SCAPER: variants seen among roughly 807,000 people sequenced by gnomAD.
SCAPER encodes the protein S-phase cyclin A associated protein in the ER, also known as S phase cyclin A-associated protein in the endoplasmic reticulum.
A neutral mutation model predicts 182.2 loss-of-function variants in SCAPER; 98 were observed. That is an observed-to-expected ratio of 0.54 (90% CI 0.46 to 0.64). The LOEUF is 0.64. Among genes scored for constraint, SCAPER ranks in the 30% least tolerant of loss-of-function variants. The pLI is 0.00. For missense variants in SCAPER, 1,432 were observed against 1,690.0 expected (o/e 0.85, Z 2.68); for synonymous variants, 605 against 564.6 (o/e 1.07, Z -1.01).
rs1163119625 is a variant in SCAPER, at chr15:76,771,732, C to T, written c.1248+10G>A. The T allele has an allele frequency of 6.2e-7, 1 of 1,606,466 alleles. No individual in the cohort carries two copies. The highest frequency in any genetic ancestry group is 8.5e-7 in the Non-Finnish European group (1 of 1,173,988). On this transcript the variant is annotated intron_variant, in intron 10 of 31. Coordinates refer to ENST00000563290, the MANE Select transcript of SCAPER (RefSeq NM_020843.4). ...TGATAAGTTGTTCTTACCAAGTTAG[C>T]AGCACTCACATTTGAAATATCTGAA... is the stretch of plus-strand genomic sequence containing the variant.
intron 24 of SCAPER, among the ~76,000 whole-genome samples, chr15:76,486,513 T>TAA (rs35458506): frequency 1.3e-5 from 2 of 149,696 alleles, no homozygotes; most frequent in African/African-American, 4.9e-5. Context: ...CAATTTATAA[T>TAA]AAAAAAAAAA....
At chr15:76,880,485 C>T (rs2073462269) in intron 2 of SCAPER, among the ~76,000 whole-genome samples, 1 of 152,144 alleles carries the variant, frequency 6.6e-6, no homozygotes, top group Admixed American at 6.5e-5. Context: ...AAGAATTCTG[C>T]AAGTACAGTG....
At chr15:76,576,610 C>A (rs1028219730) in intron 22 of SCAPER, among the ~76,000 whole-genome samples, 1 of 152,082 alleles carries the variant, frequency 6.6e-6, no homozygotes, top group African/African-American at 2.4e-5. Context: ...ACCACAGTAC[C>A]TGATTTTAAC....
At chr15:76,428,950 C>G (rs1285736329) in intron 26 of SCAPER, among the ~76,000 whole-genome samples, 5 of 144,314 alleles carry the variant, frequency 3.5e-5, no homozygotes, top group Admixed American at 7.1e-5. Context: ...GTAGCAGCGT[C>G]CCCATCCAAA....
At chr15:76,702,054 T>C (rs989422008) in intron 19 of SCAPER, among the ~76,000 whole-genome samples, 189 bp from the exon 20 acceptor site, 2 of 151,922 alleles carry the variant, frequency 1.3e-5, no homozygotes, top group African/African-American at 2.4e-5. Flanking sequence ...AAAAAAAGAC[T>C]TGGGAGGCTG....
At chr15:76,818,761 A>G (rs931945652) in intron 5 of SCAPER, among the ~76,000 whole-genome samples, 8 of 152,232 alleles carry the variant, frequency 5.3e-5, no homozygotes, top group African/African-American at 1.4e-4. Flanking sequence ...GGTGCAGCGC[A>G]CCGTGCGTGA....
intron 2 of SCAPER, among the ~76,000 whole-genome samples, chr15:76,880,755 T>C (rs2073481999): frequency 6.6e-6 from 1 of 151,672 alleles, no homozygotes; most frequent in Non-Finnish European, 1.5e-5. Context: ...CTAAAATATA[T>C]TACCTTTAGG....
At position 76,733,357 on chromosome 15, in the gene SCAPER, G is replaced by A; in HGVS notation, c.1894C>T (p.Leu632Phe). 6.2e-7 allele frequency: 1 copy of A among 1,613,360 alleles called. No individual in the cohort carries two copies. The highest frequency in any genetic ancestry group is 2.2e-5 in the East Asian group (1 of 44,822). The change falls in exon 16 of 32, where the codon CTT (leucine) becomes TTT (phenylalanine). Residue 632 changes from leucine (L) to phenylalanine (F), a missense_variant. Leu to Phe is a conservative substitution (Grantham distance 22, BLOSUM62 0). Coordinates refer to ENST00000563290, the MANE Select transcript of SCAPER (RefSeq NM_020843.4). Reference protein sequence around the residue: ...KVNEIAFINTLEAQNKRHDVL... With the variant: ...KVNEIAFINTFEAQNKRHDVL... ...TCATGACGTTTATTCTGGGCTTCAA[G>A]GGTATTTATAAAGGCAATTTCATTT...
At chr15:76,427,406 G>C (rs758589430) in intron 26 of SCAPER, among the ~76,000 whole-genome samples, 2 of 152,054 alleles carry the variant, frequency 1.3e-5, no homozygotes, top group Non-Finnish European at 2.9e-5. Flanking sequence ...AGGGACAAAA[G>C]ATCTTAATAG....
intron 26 of SCAPER, among the ~76,000 whole-genome samples, chr15:76,420,491 C>T (rs1487253390): frequency 6.6e-6 from 1 of 151,920 alleles, no homozygotes; most frequent in East Asian, 1.9e-4. Flanking sequence ...GTGGTATTTC[C>T]ATACATTAAT....
chr15:76,435,694 T>C (rs995346611), intron 25 of SCAPER, among the ~76,000 whole-genome samples: 1 of 152,232 alleles, frequency 6.6e-6, no homozygotes, highest in East Asian at 1.9e-4. Flanking sequence ...TTTGAGATTC[T>C]GCATGTTTAA....
chr15:76,617,870 C>G (rs1050430113), intron 22 of SCAPER, among the ~76,000 whole-genome samples: 6 of 152,026 alleles, frequency 3.9e-5, no homozygotes, highest in African/African-American at 1.5e-4. Flanking sequence ...TCAGAAATGG[C>G]TCAACTTCTT....
Position 76,434,118 on chromosome 15 carries a change from G to A in SCAPER, c.3271C>T (p.Gln1091Ter). The change falls in exon 26 of 32, where the codon CAA becomes TAA. Residue 1091 changes from glutamine to a stop codon, truncating the protein, a stop_gained. Transcript: ENST00000563290. LOFTEE classifies it high-confidence loss of function. ...PTQEMKNKPS[Q>*]GDPFNNRVQD... ...ACTCGATTGTTAAAAGGATCACCTT[G>A]TGAGGGTTTGTTTTTCATTTCCTGT... is the stretch of plus-strand genomic sequence containing the variant. The A allele has an allele frequency of 6.2e-7, 1 of 1,613,964 alleles. No homozygotes were observed. The highest frequency in any genetic ancestry group is 8.5e-7 in the Non-Finnish European group (1 of 1,179,878).
intron 6 of SCAPER, among the ~76,000 whole-genome samples, chr15:76,804,040 A>C (rs2065966127): frequency 6.6e-6 from 1 of 152,178 alleles, no homozygotes. Context: ...TTAAGAAGAA[A>C]TACTGTATCT....
intron 21 of SCAPER, among the ~76,000 whole-genome samples, chr15:76,651,730 A>G (rs2055061532): frequency 1.3e-5 from 2 of 151,906 alleles, no homozygotes; most frequent in African/African-American, 4.8e-5. Flanking sequence ...CTATTCCCAA[A>G]AAGCTGGAGA....
intron 22 of SCAPER, among the ~76,000 whole-genome samples, chr15:76,616,668 T>C (rs1229268577): frequency 1.3e-5 from 2 of 152,162 alleles, no homozygotes; most frequent in Non-Finnish European, 2.9e-5. Flanking sequence ...AAAAGTACAG[T>C]CGTAGCCATC....
chr15:76,405,109 C>CTTT (rs35039615), intron 26 of SCAPER, among the ~76,000 whole-genome samples: 1,301 of 112,374 alleles, frequency 0.012, 60 homozygotes, highest in African/African-American at 0.039. Flanking sequence ...ACAACTTACA[C>CTTT]TTTTTTTTTT....
intron 23 of SCAPER, among the ~76,000 whole-genome samples, chr15:76,512,120 T>A (rs1007716372): frequency 1.1e-4 from 16 of 151,840 alleles, no homozygotes; most frequent in Non-Finnish European, 5.9e-5. Flanking sequence ...ACTCCTGACC[T>A]CAGGTGATCC....
At chr15:76,558,236 T>C (rs761181211) in intron 23 of SCAPER, among the ~76,000 whole-genome samples, 1 of 152,138 alleles carries the variant, frequency 6.6e-6, no homozygotes, top group Non-Finnish European at 1.5e-5. Context: ...GAGATAATAT[T>C]TGCAAACTAT....
Sources: allele counts gnomAD v4.1 joint callset (sites outside exome capture counted in the v4.1 genomes callset), GRCh38; gene constraint gnomAD v4.1.1; transcripts MANE v1.5; gene names NCBI Gene and HGNC (gene_info 2026-07-23, HGNC 2026-07-21).